The following TBCD variants were observed in gnomAD, a reference collection of about 807,000 sequenced individuals.
TBCD encodes tubulin folding cofactor D, also known as tubulin-specific chaperone D.
A neutral mutation model predicts 169.3 loss-of-function variants in TBCD; 105 were observed. The observed-to-expected ratio is 0.62, with a 90% CI of 0.53 to 0.73. The LOEUF (loss-of-function observed/expected upper bound fraction) is 0.73, where lower values mean the gene tolerates loss of function less well. TBCD is among the 30% of genes least tolerant of loss of function. TBCD has a pLI of 0.00. For missense variants in TBCD, 1,444 were observed against 1,600.1 expected (o/e 0.90, Z 1.66); for synonymous variants, 700 against 643.9 (o/e 1.09, Z -1.32).
intron 18 of TBCD, among the ~76,000 whole-genome samples, chr17:82,902,255 T>TGA (rs1299041181): frequency 1.3e-5 from 2 of 152,252 alleles, no homozygotes; most frequent in African/African-American, 4.8e-5. Flanking sequence ...GCCTTTTCTT[T>TGA]GAGGGGCTGG....
At chr17:82,788,312 C>T (rs943082506) in intron 7 of TBCD, among the ~76,000 whole-genome samples, 51 of 152,240 alleles carry the variant, frequency 3.3e-4, no homozygotes, top group African/African-American at 1.2e-3. Flanking sequence ...GTTGTGCTCT[C>T]TTGGTTTCTA....
At position 82,940,216 on chromosome 17, in the gene TBCD, C is replaced by CGT. The variant is rs2063011100; in HGVS notation, c.3479+741_3479+742insTG. Among the ~76,000 whole-genome samples the CGT allele has an allele frequency of 3.5e-5, 3 of 85,432 alleles. No homozygotes were observed. In the South Asian group the frequency reaches 1.2e-3, roughly 35 times the overall value. The allele number at this position is 85,432 out of a possible 152,430, so 56.0% of individuals were successfully genotyped here. A position where few individuals can be genotyped will look rare whatever the true frequency, so the allele number is the denominator to read the frequency against. On this transcript the variant is annotated intron_variant, in intron 37 of 38. Coordinates refer to ENST00000355528, the MANE Select transcript of TBCD (RefSeq NM_005993.5). ...TGGCTCACACACATGCTCACTTGCACGCGCGCACACACACACACACACACA... is the reference window on the plus strand; with the variant it reads ...TGGCTCACACACATGCTCACTTGCACGTGCGCGCACACACACACACACACACA...
chr17:82,812,334 G>A (rs1023764066), intron 12 of TBCD, among the ~76,000 whole-genome samples: 5 of 152,174 alleles, frequency 3.3e-5, no homozygotes, highest in Non-Finnish European at 5.9e-5. Context: ...CCGCCGCCCC[G>A]TGTCAGCAGG....
chr17:82,850,037 TGTTGGCTGTG>T (rs2055565487), intron 13 of TBCD, among the ~76,000 whole-genome samples: 2 of 102,920 alleles, frequency 1.9e-5, no homozygotes, highest in Admixed American at 9.7e-5. Flanking sequence ...GCTGTGCTGT[TGTTGGCTGTG>T]CTGTTGTTGG....
rs2063599626 is a variant in TBCD, at chr17:82,945,140, A to C, written c.*2677A>C. 1 of 152,254 alleles carries C rather than the reference A, an allele frequency of 6.6e-6. No individual in the cohort carries two copies. Among genetic ancestry groups the C allele is most frequent in the South Asian group, 2.1e-4 (1 of 4,832 alleles). The allele number at this position is 152,254 out of a possible 1,614,324, so 9.4% of individuals were successfully genotyped here. On this transcript the variant is annotated 3_prime_UTR_variant, in exon 39 of 39. Transcript: ENST00000355528. ...AAATGATCAAGAAGAGATTAGAAAA[A>C]AACAGAGCCCCTAGAAATGTAAGAA...
At chr17:82,924,797 T>G in intron 26 of TBCD, 142 bp from the exon 27 acceptor site, 1 of 619,768 alleles carries the variant, frequency 1.6e-6, no homozygotes, top group South Asian at 2.3e-5. Flanking sequence ...TAGGCCACTT[T>G]GGAAACGTGT....
At chr17:82,810,899 C>T (rs1235878257) in intron 12 of TBCD, among the ~76,000 whole-genome samples, 1 of 152,232 alleles carries the variant, frequency 6.6e-6, no homozygotes, top group Non-Finnish European at 1.5e-5. Context: ...TTCTTGTGCA[C>T]TTAGCCTCCA....
chr17:82,878,548 TG>T (rs11355095), intron 14 of TBCD, among the ~76,000 whole-genome samples: 85,358 of 151,076 alleles, frequency 0.56, 24,258 homozygotes, highest in East Asian at 0.71. Flanking sequence ...TGAGGTGACC[TG>T]CCCTCCTCCG....
chr17:82,790,356 GGTGGCCTCGGAAGCCT>G (rs2049620792), intron 7 of TBCD, among the ~76,000 whole-genome samples: 1 of 152,284 alleles, frequency 6.6e-6, no homozygotes, highest in East Asian at 1.9e-4. Context: ...CTGCGTAAAG[GGTGGCCTCGGAAGCCT>G]GTGGCCTGGG....
At chr17:82,899,023 G>C (rs74000183) in intron 17 of TBCD, among the ~76,000 whole-genome samples, 1 of 150,392 alleles carries the variant, frequency 6.6e-6, no homozygotes, top group Admixed American at 6.6e-5. Context: ...GCTGCCCCTC[G>C]GGGAAGGTCG....
In TBCD at chr17:82,881,738, G is replaced by A. The variant is rs987142544; in HGVS notation, c.1476-2407G>A. Among the ~76,000 whole-genome samples, 4 of 152,192 alleles carry A rather than the reference G, an allele frequency of 2.6e-5. No individual in the cohort carries two copies. The East Asian group carries it at 7.7e-4, about 29-fold the overall frequency. Reference sequence around the variant, plus strand: ...TGCACCTGGTGGTTTGTATTATGTTGTTTCTGTTTTATTTAATTTCATTTG... The same window carrying A: ...TGCACCTGGTGGTTTGTATTATGTTATTTCTGTTTTATTTAATTTCATTTG... On this transcript the variant is annotated intron_variant, in intron 14 of 38. Transcript: ENST00000355528.
At chr17:82,807,891 G>T (rs538951487) in intron 11 of TBCD, among the ~76,000 whole-genome samples, 30 of 152,356 alleles carry the variant, frequency 2.0e-4, no homozygotes, top group Non-Finnish European at 3.7e-4. Context: ...GCCGGGTCAC[G>T]AGCAGGCCGG....
chr17:82,892,029 C>G (rs1433779724), intron 16 of TBCD, among the ~76,000 whole-genome samples: 1 of 152,192 alleles, frequency 6.6e-6, no homozygotes, highest in Admixed American at 6.5e-5. Flanking sequence ...CCAGGCCCCC[C>G]ACTTCCCCCC....
At chr17:82,879,750 GC>G (rs1276041894) in intron 14 of TBCD, among the ~76,000 whole-genome samples, 4 of 152,220 alleles carry the variant, frequency 2.6e-5, no homozygotes, top group African/African-American at 4.8e-5. Context: ...CCAACCCTGG[GC>G]CAACATTGGT....
chr17:82,867,482 T>G (rs2057255074), intron 13 of TBCD, among the ~76,000 whole-genome samples: 1 of 152,222 alleles, frequency 6.6e-6, no homozygotes, highest in Non-Finnish European at 1.5e-5. Context: ...GGCAGCGCTT[T>G]CCTCTTGAAG....
At chr17:82,763,902 G>A in intron 2 of TBCD, 63 bp from the exon 3 acceptor site, 1 of 1,410,402 alleles carries the variant, frequency 7.1e-7, no homozygotes, top group Non-Finnish European at 9.9e-7. Context: ...ACCACACCTG[G>A]CCGGCCTCAA....
Position 82,890,938 on chromosome 17 carries a change from T to G in TBCD, c.1563+1241T>G, listed in dbSNP as rs7221830. Among the ~76,000 whole-genome samples the G allele has an allele frequency of 0.44, 66,878 of 152,102 alleles. 15,111 individuals are homozygous for G. The highest frequency in any genetic ancestry group is 0.55 in the African/African-American group (22,681 of 41,488). On this transcript the variant is annotated intron_variant, in intron 16 of 38. Transcript: ENST00000355528. This position sits in a 1 kb window ranked among gnomAD's most constrained non-coding sequence, Gnocchi z 5.3. Reference sequence around the variant, plus strand: ...TTGTTGGAAACCACTTAGCTGAGCCTAGGGACTTGCCAGCTTCCTGGAAAG... The same window carrying G: ...TTGTTGGAAACCACTTAGCTGAGCCGAGGGACTTGCCAGCTTCCTGGAAAG...
chr17:82,852,348 G>A (rs531688428), intron 13 of TBCD, among the ~76,000 whole-genome samples: 3 of 152,190 alleles, frequency 2.0e-5, no homozygotes, highest in Admixed American at 6.5e-5. Context: ...CTGTTCCATC[G>A]TGTGGCATCT....
chr17:82,857,137 T>TA (rs1598976277), intron 13 of TBCD, among the ~76,000 whole-genome samples: 1 of 152,370 alleles, frequency 6.6e-6, no homozygotes, highest in South Asian at 2.1e-4. Context: ...TGTTCTTTTT[T>TA]AAAAAATTAT....
Sources: gnomAD v4.1 joint callset for allele counts (sites outside exome capture counted in the v4.1 genomes callset) on GRCh38, gnomAD v4.1.1 for gene constraint, Gnocchi (gnomAD v3.1) non-coding constraint, MANE v1.5 for transcripts, NCBI Gene and HGNC (gene_info 2026-07-23, HGNC 2026-07-21) for gene names.